The following ADGRL2 variants were observed in gnomAD, a reference collection of about 807,000 sequenced individuals.
ADGRL2 encodes calcium-independent alpha-latrotoxin receptor 2.
In ADGRL2, 44 loss-of-function variants were observed where a neutral mutation model predicts 157.4. The observed-to-expected ratio is 0.28, with a 90% CI of 0.22 to 0.36. ADGRL2 has a LOEUF of 0.36. ADGRL2 is among the 10% of genes least tolerant of loss of function. The pLI, the probability that ADGRL2 is intolerant of heterozygous loss-of-function variation, is 1.00. For synonymous variants in ADGRL2, 585 were observed against 624.7 expected (o/e 0.94, Z 0.95); for missense variants, 1,510 against 1,768.9 (o/e 0.85, Z 2.63).
At chr1:81,435,012 T>C (rs1570959178) in intron 1 of ADGRL2, among the ~76,000 whole-genome samples, 1 of 152,292 alleles carries the variant, frequency 6.6e-6, no homozygotes, top group Admixed American at 6.5e-5. Context: ...AATGTACCAG[T>C]CCCTGAAAGT....
intron 1 of ADGRL2, among the ~76,000 whole-genome samples, chr1:81,395,418 C>T (rs748048896): frequency 6.6e-6 from 1 of 151,952 alleles, no homozygotes; most frequent in Non-Finnish European, 1.5e-5. Flanking sequence ...TTTAGTTGTT[C>T]GAGATCCTTG....
At chr1:81,346,889 A>T (rs1440933401) in intron 1 of ADGRL2, among the ~76,000 whole-genome samples, 1 of 152,182 alleles carries the variant, frequency 6.6e-6, no homozygotes, top group African/African-American at 2.4e-5. Flanking sequence ...AAAAATGTGA[A>T]AGTGGCTTTG....
In ADGRL2 at chr1:81,669,942, CAAAAAAAAAA is replaced by C. The variant is rs11389637; in HGVS notation, c.-143+88972_-143+88981del. Among the ~76,000 whole-genome samples the C allele has an allele frequency of 6.1e-3, 535 of 88,022 alleles. 5 individuals are homozygous for C. Among genetic ancestry groups the C allele is most frequent in the African/African-American group, 0.021 (500 of 24,380 alleles). 57.7% of individuals were successfully genotyped at this position (88,022 alleles called of 152,430 possible). On this transcript the variant is annotated intron_variant, in intron 3 of 24. Coordinates refer to the ADGRL2 transcript ENST00000370721. ...TGGGTGACAGAGTGAGACTACGTCT[CAAAAAAAAAA>C]AAAAAAAAAGAGGACACCTAAACTA...
intron 1 of ADGRL2, among the ~76,000 whole-genome samples, chr1:81,829,698 A>C (rs1400925587): frequency 6.6e-6 from 1 of 152,238 alleles, no homozygotes; most frequent in Non-Finnish European, 1.5e-5. Context: ...TTGATAGAAG[A>C]GACAAGTCCT....
chr1:81,978,234 A>G (rs1263732712), intron 17 of ADGRL2, among the ~76,000 whole-genome samples: 1 of 151,728 alleles, frequency 6.6e-6, no homozygotes, highest in Non-Finnish European at 1.5e-5. Flanking sequence ...CCACAATACA[A>G]TAAGCACATC....
intron 1 of ADGRL2, among the ~76,000 whole-genome samples, chr1:81,437,670 A>G (rs2077433786): frequency 6.6e-6 from 1 of 152,208 alleles, no homozygotes; most frequent in Non-Finnish European, 1.5e-5. Flanking sequence ...AGCCAGAAAA[A>G]TATTATGATT....
intron 2 of ADGRL2, among the ~76,000 whole-genome samples, chr1:81,866,422 C>A (rs1467974551): frequency 3.3e-5 from 5 of 151,956 alleles, no homozygotes; most frequent in African/African-American, 1.2e-4. Flanking sequence ...CCTTTTTGTT[C>A]AAAGTTTTGT....
At chr1:81,529,304 G>T (rs1231287787) in intron 2 of ADGRL2, among the ~76,000 whole-genome samples, 16 of 152,224 alleles carry the variant, frequency 1.1e-4, no homozygotes, top group African/African-American at 3.4e-4. Flanking sequence ...AAACTGGAAA[G>T]TAAGAATCCA....
At chr1:81,703,725 A>T (rs956970454) in intron 1 of ADGRL2, among the ~76,000 whole-genome samples, 9 of 152,254 alleles carry the variant, frequency 5.9e-5, no homozygotes, top group African/African-American at 2.2e-4. Flanking sequence ...GAAACTGGTT[A>T]TTATAAAGTT....
intron 2 of ADGRL2, among the ~76,000 whole-genome samples, chr1:81,562,127 GAGA>G (rs1445256661): frequency 6.6e-6 from 1 of 152,144 alleles, no homozygotes; most frequent in Non-Finnish European, 1.5e-5. Flanking sequence ...TGGTTGCAAG[GAGA>G]AGGACAATTT....
chr1:81,982,115 T>G, intron 19 of ADGRL2, 139 bp downstream of exon 19: 2 of 709,308 alleles, frequency 2.8e-6, no homozygotes, highest in Non-Finnish European at 4.3e-6. Flanking sequence ...TTAATTTTCA[T>G]ACCTGTCTGA....
intron 1 of ADGRL2, among the ~76,000 whole-genome samples, chr1:81,385,480 A>G (rs2101077591): frequency 6.6e-6 from 1 of 152,262 alleles, no homozygotes; most frequent in South Asian, 2.1e-4. Flanking sequence ...TCAAAGGAGA[A>G]AGGCAGATCA....
rs180883081 is a variant in ADGRL2, at chr1:81,814,217, T to A, written c.-101+13149T>A. 2.4e-3 allele frequency among the ~76,000 whole-genome samples: 365 copies of A among 151,776 alleles called. 1 individual carries two copies. Among genetic ancestry groups the A allele is most frequent in the African/African-American group, 8.6e-3 (358 of 41,502 alleles). ...GAATTAATAATAAAAAAATACGAATTTATGATAAAACATTCTCTGCTCCTT... is the reference window on the plus strand; with the variant it reads ...GAATTAATAATAAAAAAATACGAATATATGATAAAACATTCTCTGCTCCTT... On this transcript the variant is annotated intron_variant, in intron 1 of 23. Coordinates refer to ENST00000686636, the MANE Select transcript of ADGRL2 (RefSeq NM_001366006.2).
chr1:81,324,232 A>G (rs944679011), intron 1 of ADGRL2, among the ~76,000 whole-genome samples: 4 of 152,122 alleles, frequency 2.6e-5, no homozygotes, highest in African/African-American at 9.7e-5. Context: ...GGCTGGACAC[A>G]GTAGCTCACA....
chr1:81,957,664 A>G (rs537830156), intron 11 of ADGRL2, among the ~76,000 whole-genome samples: 1 of 152,188 alleles, frequency 6.6e-6, no homozygotes, highest in Admixed American at 6.5e-5. Flanking sequence ...AGCTGAGATC[A>G]TGCCACTGCA....
chr1:81,873,327 T>G (rs765539106), intron 2 of ADGRL2, among the ~76,000 whole-genome samples: 3 of 152,122 alleles, frequency 2.0e-5, no homozygotes, highest in African/African-American at 4.8e-5. Context: ...CCTCTTTTTA[T>G]TTTTTTGCTA....
intron 1 of ADGRL2, among the ~76,000 whole-genome samples, chr1:81,813,241 G>T (rs927706979): frequency 1.3e-5 from 2 of 151,526 alleles, no homozygotes; most frequent in African/African-American, 2.4e-5. Flanking sequence ...AAATAGAAAG[G>T]TTATTATCCA....
At chr1:81,417,254 A>G (rs1377029593) in intron 1 of ADGRL2, among the ~76,000 whole-genome samples, 1 of 152,184 alleles carries the variant, frequency 6.6e-6, no homozygotes, top group Admixed American at 6.5e-5. Flanking sequence ...TTAAAAACTC[A>G]CATTTTAATC....
At chr1:81,648,858 C>G (rs1382815338) in intron 3 of ADGRL2, among the ~76,000 whole-genome samples, 1 of 152,150 alleles carries the variant, frequency 6.6e-6, no homozygotes, top group East Asian at 1.9e-4. Context: ...AGCATATCAG[C>G]TCTGCACTCC....
Sources: allele counts gnomAD v4.1 joint callset (sites outside exome capture counted in the v4.1 genomes callset), GRCh38; gene constraint gnomAD v4.1.1; transcripts MANE v1.5; gene names NCBI Gene and HGNC (gene_info 2026-07-23, HGNC 2026-07-21).